Variants in MUC5AC observed in about 807,000 individuals in gnomAD.
MUC5AC encodes the protein mucin-5AC.
A neutral mutation model predicts 169.7 loss-of-function variants in MUC5AC; 158 were observed. That is an observed-to-expected ratio of 0.93 (90% CI 0.82 to 1.06). The LOEUF is 1.06. Ranked by LOEUF, MUC5AC falls within the 50% of genes least tolerant of loss-of-function variation. MUC5AC has a pLI of 0.00. For synonymous variants in MUC5AC, 1,975 were observed against 1,237.0 expected, an observed-to-expected ratio of 1.60 and a Z score of -12.52; for missense variants, 4,359 against 3,089.9, an observed-to-expected ratio of 1.41 and a Z score of -9.74.
chr11:1,162,631 C>T lies in MUC5AC; in HGVS notation c.573C>T (p.His191=), dbSNP rs370641815. ...TGGGCCTTGTCCTCATGTGGAACCA[C>T]GATGACAGCCTGCTGGTGAGGCTGG... The part of the protein sequence containing the change: ...ARLGLVLMWN[H]DDSLLLELDT... Residue 191 remains histidine (H), a synonymous_variant, in exon 5 of 49, where the codon CAC becomes CAT. Coordinates refer to ENST00000621226, the MANE Select transcript of MUC5AC (RefSeq NM_001304359.2). 644 of 1,612,660 alleles carry T rather than the reference C, an allele frequency of 4.0e-4. 2 individuals are homozygous for T. The African/African-American group carries it at 7.2e-3, about 18-fold the overall frequency.
rs1398287981 is a variant in MUC5AC, at chr11:1,186,276, G to C, written c.8131G>C (p.Ala2711Pro). The C allele has an allele frequency of 1.4e-6, 1 of 737,028 alleles. No individual in the cohort carries two copies. Among genetic ancestry groups the C allele is most frequent in the African/African-American group, 1.7e-5 (1 of 57,870 alleles). The allele number at this position is 737,028 out of a possible 1,614,324, so 45.7% of individuals were successfully genotyped here. Residue 2711 changes from alanine to proline, a missense_variant, in exon 31 of 49, where the codon GCT becomes CCT. By Grantham distance (27) the Ala-to-Pro change is conservative. Coordinates refer to ENST00000621226, the MANE Select transcript of MUC5AC (RefSeq NM_001304359.2). The stretch of plus-strand genomic sequence containing the variant: ...TGTTCCCACCACCAGCACAACCTCT[G>C]CTCCCACAACAAGCACAACCTCTGC... Reference protein sequence around the residue: ...SPVPTTSTTSAPTTSTTSAPT... With the variant: ...SPVPTTSTTSPPTTSTTSAPT...
intron 15 of MUC5AC, among the ~76,000 whole-genome samples, chr11:1,171,466 C>CA (rs1860530523): frequency 8.3e-6 from 1 of 119,952 alleles, no homozygotes; most frequent in African/African-American, 3.2e-5. Context: ...CCCATTCACC[C>CA]CCTCACTCAC....
rs533668469 is a variant in MUC5AC, at chr11:1,196,425, C to T, written c.15675C>T (p.Cys5225=). The change falls in exon 38 of 49, where the codon TGC becomes TGT. Residue 5225 remains cysteine (C), a synonymous_variant. Transcript: ENST00000621226. The stretch of plus-strand genomic sequence containing the variant: ...CAGCCGACAAGGTGTACCAGCCCTG[C>T]GGCCCGAGCAACCCCTCCTACTGCT... The part of the protein sequence containing the change: ...TCPADKVYQP[C]GPSNPSYCYG... 6 of 765,012 alleles carry T rather than the reference C, an allele frequency of 7.8e-6. No homozygotes were observed. The highest frequency in any genetic ancestry group is 2.7e-5 in the South Asian group (2 of 74,626). The allele number at this position is 765,012 out of a possible 1,614,324, so 47.4% of individuals were successfully genotyped here. A position where few individuals can be genotyped will look rare whatever the true frequency, so the allele number is the denominator to read the frequency against.
chr11:1,171,429 C>G lies in MUC5AC; in HGVS notation c.1871-1000C>G, dbSNP rs1174830609. ...CACTCACTCACCTCACTCACTCACT[C>G]AACTTACTCACCCACTCACCCATTC... On this transcript the variant is annotated intron_variant, in intron 15 of 48. Coordinates refer to ENST00000621226, the MANE Select transcript of MUC5AC (RefSeq NM_001304359.2). Among the ~76,000 whole-genome samples the G allele has an allele frequency of 6.2e-5, 5 of 80,372 alleles. No individual in the cohort carries two copies. In the East Asian group the frequency reaches 1.9e-3, roughly 31 times the overall value. The allele number at this position is 80,372 out of a possible 152,430, so 52.7% of individuals were successfully genotyped here.
At chr11:1,193,983 G>A in intron 33 of MUC5AC, 127 bp from the exon 34 acceptor site, 4 of 659,736 alleles carry the variant, frequency 6.1e-6, no homozygotes, top group Non-Finnish European at 1.1e-5. Flanking sequence ...TGACGTGAGG[G>A]TCTTGTGCGC....
intron 32 of MUC5AC, among the ~76,000 whole-genome samples, 187 bp downstream of exon 32, chr11:1,193,169 G>T (rs1483082980): frequency 1.3e-5 from 2 of 152,230 alleles, no homozygotes; most frequent in Non-Finnish European, 2.9e-5. Flanking sequence ...TCCCAGGCAC[G>T]TGCTTTCCAG....
chr11:1,160,839 A>C, intron 2 of MUC5AC, 150 bp downstream of exon 2: 1 of 754,164 alleles, frequency 1.3e-6, no homozygotes. Flanking sequence ...ACACCCCCAC[A>C]TCCATGGCCC....
chr11:1,199,290 C>A, intron 45 of MUC5AC, 81 bp from the exon 46 acceptor site: 1 of 693,444 alleles, frequency 1.4e-6, no homozygotes, highest in South Asian at 1.5e-5. Context: ...TGGGGACTCT[C>A]TGGAAGCCCA....
At chr11:1,163,185 C>A (rs934848209) in intron 6 of MUC5AC, 140 bp downstream of exon 6, 3 of 772,094 alleles carry the variant, frequency 3.9e-6, no homozygotes, top group Non-Finnish European at 6.5e-6. Flanking sequence ...TAGCACAGCA[C>A]ACACGTGCAC....
chr11:1,174,953 C>T lies in MUC5AC; in HGVS notation c.2164C>T (p.Arg722Cys), dbSNP rs1764121314. 9.8e-6 allele frequency: 4 copies of T among 408,612 alleles called. No homozygotes were observed. Among genetic ancestry groups the T allele is most frequent in the South Asian group, 1.0e-4 (1 of 9,870 alleles). The allele number at this position is 408,612 out of a possible 1,614,324, so 25.3% of individuals were successfully genotyped here. Residue 722 changes from arginine to cysteine, a missense_variant, in exon 18 of 49, where the codon CGC becomes TGC. Transcript: ENST00000621226. ...TGTCAGCACCTGCCAGCCCACCTGC[C>T]GCTCCCTGAGCGAGGGGGACATCAC... is the stretch of plus-strand genomic sequence containing the variant. ...YHVSTCQPTC[R>C]SLSEGDITCS...
At chr11:1,197,243 G>A (rs996113768) in intron 40 of MUC5AC, among the ~76,000 whole-genome samples, 1 of 152,186 alleles carries the variant, frequency 6.6e-6, no homozygotes, top group Non-Finnish European at 1.5e-5. Flanking sequence ...GAGGTGTGAG[G>A]TGGGGGGCGC....
In MUC5AC at chr11:1,190,862, C is replaced by A. The variant is rs1248277229; in HGVS notation, c.12717C>A (p.Thr4239=). The part of the protein sequence containing the change: ...PTTSTTSAST[T]STTSAPTTST... ...CCAGCACAACCTCTGCCTCTACAAC[C>A]AGCACAACTTCTGCTCCTACAACCA... The change falls in exon 31 of 49, where the codon ACC becomes ACA. Residue 4239 remains threonine (T), a synonymous_variant. Transcript: ENST00000621226. 6 of 741,968 alleles carry A rather than the reference C, an allele frequency of 8.1e-6. No individual in the cohort carries two copies. The highest frequency in any genetic ancestry group is 1.7e-5 in the African/African-American group (1 of 58,156). 46.0% of individuals were successfully genotyped at this position (741,968 alleles called of 1,614,324 possible). A position where few individuals can be genotyped will look rare whatever the true frequency, so the allele number is the denominator to read the frequency against.
In MUC5AC at chr11:1,183,421, C is replaced by T. The variant is rs1169130021; in HGVS notation, c.5276C>T (p.Ser1759Phe). 9 of 641,888 alleles carry T rather than the reference C, an allele frequency of 1.4e-5. No individual in the cohort carries two copies. Among genetic ancestry groups the T allele is most frequent in the Non-Finnish European group, 2.2e-5 (8 of 363,952 alleles). 39.8% of individuals were successfully genotyped at this position (641,888 alleles called of 1,614,324 possible). A position where few individuals can be genotyped will look rare whatever the true frequency, so the allele number is the denominator to read the frequency against. The change falls in exon 31 of 49, where the codon TCC becomes TTC. Residue 1759 changes from serine (S) to phenylalanine (F), a missense_variant. Ser to Phe is a radical substitution (Grantham distance 155). Coordinates refer to ENST00000621226, the MANE Select transcript of MUC5AC (RefSeq NM_001304359.2). ...WTKWFDVDFP[S>F]PGPHGGDKET... ...AAGTGGTTCGACGTGGACTTCCCGT[C>T]CCCCGGACCCCATGGTGGAGACAAG... is the stretch of plus-strand genomic sequence containing the variant.
chr11:1,161,353 T>G (rs916415913), intron 2 of MUC5AC, among the ~76,000 whole-genome samples, 174 bp from the exon 3 acceptor site: 1 of 110,866 alleles, frequency 9.0e-6, no homozygotes, highest in African/African-American at 3.5e-5. Context: ...TGGTCACAAG[T>G]ACACAACGTG....
At chr11:1,196,511 C>T (rs747716020) in intron 38 of MUC5AC, 36 bp downstream of exon 38, 4 of 764,544 alleles carry the variant, frequency 5.2e-6, no homozygotes, top group Non-Finnish European at 9.6e-6. Context: ...CCATGGGCTG[C>T]TGGAGCCACC....
Position 1,160,306 on chromosome 11 carries a change from C to T in MUC5AC, c.74-306C>T, listed in dbSNP as rs55826181. Among the ~76,000 whole-genome samples the T allele has an allele frequency of 1.5e-3, 224 of 152,026 alleles. 1 individual carries two copies. Among genetic ancestry groups the T allele is most frequent in the Non-Finnish European group, 2.3e-3 (157 of 67,944 alleles). On this transcript the variant is annotated intron_variant, in intron 1 of 48. Coordinates refer to ENST00000621226, the MANE Select transcript of MUC5AC (RefSeq NM_001304359.2). ...GCAGCGTGGGGGCCAGGGCCTGGCA[C>T]GCTTGGCAGTGAGTGGGAATGAATA...
chr11:1,174,710 G>T (rs993479635), intron 17 of MUC5AC, 88 bp downstream of exon 17: 5 of 581,316 alleles, frequency 8.6e-6, no homozygotes, highest in Non-Finnish European at 1.5e-5. Context: ...TGCTCTAAGG[G>T]CCCCCGTCCT....
chr11:1,167,859 G>C lies in MUC5AC; in HGVS notation c.1387-18G>C. The C allele has an allele frequency of 6.5e-7, 1 of 1,547,232 alleles. No homozygotes were observed. The highest frequency in any genetic ancestry group is 2.0e-5 in the Admixed American group (1 of 50,988). On this transcript the variant is annotated intron_variant, in intron 11 of 48. Transcript: ENST00000621226. The stretch of plus-strand genomic sequence containing the variant: ...GTTGGATGGAGTGTGAGGACCCCTG[G>C]TGTGTCGTGTTCCGCAGCCCTGTGA...
rs1860973705 is a variant in MUC5AC, at chr11:1,187,201, G to T, written c.9056G>T (p.Ser3019Ile). Reference sequence around the variant, plus strand: ...AGCACACCCTCTGCCCCTACAACCAGCACAACCTTAGCTCCTACAACCAGC... The same window carrying T: ...AGCACACCCTCTGCCCCTACAACCATCACAACCTTAGCTCCTACAACCAGC... ...TTSTPSAPTT[S>I]TTLAPTTSTT... Residue 3019 changes from serine to isoleucine, a missense_variant, in exon 31 of 49, where the codon AGC (serine) becomes ATC (isoleucine). Ser to Ile is a moderately radical substitution (Grantham distance 142, BLOSUM62 -2). Transcript: ENST00000621226. The T allele has an allele frequency of 1.4e-6, 1 of 701,054 alleles. No individual in the cohort carries two copies. Among genetic ancestry groups the T allele is most frequent in the Admixed American group, 2.0e-5 (1 of 48,812 alleles). The allele number at this position is 701,054 out of a possible 1,614,324, so 43.4% of individuals were successfully genotyped here.
Sources: allele counts gnomAD v4.1 joint callset (sites outside exome capture counted in the v4.1 genomes callset), GRCh38; gene constraint gnomAD v4.1.1; transcripts MANE v1.5; gene names NCBI Gene and HGNC (gene_info 2026-07-23, HGNC 2026-07-21).